The following UGT2B7 variants were observed in gnomAD, a reference collection of about 807,000 sequenced individuals.
UGT2B7 encodes the protein UDP-glucuronosyltransferase 2B7.
In UGT2B7, 51 loss-of-function variants were observed where a neutral mutation model predicts 51.9. The observed-to-expected ratio is 0.98, with a 90% CI of 0.78 to 1.24. The LOEUF (loss-of-function observed/expected upper bound fraction) is 1.24, where lower values mean the gene tolerates loss of function less well. Ranked by LOEUF, UGT2B7 falls within the 50% of genes most tolerant of loss-of-function variation. The pLI is 0.00. For missense variants in UGT2B7, 727 were observed against 628.4 expected (o/e 1.16, Z -1.68); for synonymous variants, 225 against 211.6 (o/e 1.06, Z -0.55).
chr4:69,065,194 T>C (rs1162761074), intron 1 of UGT2B7, among the ~76,000 whole-genome samples: 2 of 152,148 alleles, frequency 1.3e-5, no homozygotes, highest in African/African-American at 4.8e-5. Context: ...ATTCAGTGTA[T>C]TTTTCAGAGG....
intron 1 of UGT2B7, among the ~76,000 whole-genome samples, chr4:69,080,513 A>C (rs181999532): frequency 6.1e-4 from 90 of 148,550 alleles, no homozygotes; most frequent in Admixed American, 1.1e-3. Context: ...GCAGCACTAC[A>C]CTCTGGCCTG....
chr4:69,102,438 G>GT (rs1719449660), intron 2 of UGT2B7, among the ~76,000 whole-genome samples: 1 of 152,054 alleles, frequency 6.6e-6, no homozygotes, highest in African/African-American at 2.4e-5. Flanking sequence ...AAGCTGAGTG[G>GT]TCCCACTTTC....
chr4:69,057,752 T>C (rs1329939798), intron 1 of UGT2B7, among the ~76,000 whole-genome samples: 1 of 152,120 alleles, frequency 6.6e-6, no homozygotes, highest in Non-Finnish European at 1.5e-5. Context: ...ACCCACCCCA[T>C]TGGAATTCAT....
intron 2 of UGT2B7, among the ~76,000 whole-genome samples, chr4:69,091,265 C>T (rs182257092): frequency 1.0e-3 from 155 of 152,268 alleles, no homozygotes; most frequent in African/African-American, 3.1e-3. Flanking sequence ...GCTAATTAGT[C>T]GGGGTCCACA....
chr4:69,105,561 T>C (rs1299911267), intron 3 of UGT2B7, among the ~76,000 whole-genome samples: 1 of 152,222 alleles, frequency 6.6e-6, no homozygotes, highest in Non-Finnish European at 1.5e-5. Context: ...TGTCTCAGTG[T>C]TAATAATCAG....
At chr4:69,106,081 TA>T (rs1719588723) in intron 3 of UGT2B7, among the ~76,000 whole-genome samples, 2 of 152,268 alleles carry the variant, frequency 1.3e-5, no homozygotes, top group African/African-American at 4.8e-5. Context: ...TTTTTAATTT[TA>T]AAAAATTAAA....
At chr4:69,075,486 T>C (rs1200425045) in intron 1 of UGT2B7, among the ~76,000 whole-genome samples, 1 of 152,102 alleles carries the variant, frequency 6.6e-6, no homozygotes, top group Non-Finnish European at 1.5e-5. Context: ...TAAAGGACAA[T>C]TTCAAGGAGA....
At position 69,096,881 on chromosome 4, in the gene UGT2B7, G is replaced by A. The variant is rs1387977501; in HGVS notation, c.361G>A (p.Asp121Asn). The A allele has an allele frequency of 2.5e-6, 4 of 1,613,020 alleles. No homozygotes were observed. Among genetic ancestry groups the A allele is most frequent in the Non-Finnish European group, 3.4e-6 (4 of 1,179,730 alleles). Residue 121 changes from aspartate to asparagine, a missense_variant, in exon 1 of 6, where the codon GAC becomes AAC. Coordinates refer to ENST00000305231, the MANE Select transcript of UGT2B7 (RefSeq NM_001074.4). The part of the protein sequence containing the change: ...QVQEIMSIFG[D>N]ITRKFCKDVV... ...ACAGGAAATCATGTCAATATTTGGT[G>A]ACATAACTAGAAAGTTCTGTAAAGA...
intron 1 of UGT2B7, among the ~76,000 whole-genome samples, chr4:69,059,267 G>A (rs1030523425): frequency 2.0e-5 from 3 of 152,192 alleles, no homozygotes; most frequent in Non-Finnish European, 4.4e-5. Context: ...AACTATTGTG[G>A]GAGCCACTGG....
At chr4:69,066,712 C>G (rs768692085) in intron 1 of UGT2B7, among the ~76,000 whole-genome samples, 5 of 152,018 alleles carry the variant, frequency 3.3e-5, no homozygotes, top group Admixed American at 6.5e-5. Flanking sequence ...TGGCCAGAAA[C>G]AAACTATCTT....
chr4:69,063,368 C>T (rs1718402062), intron 1 of UGT2B7, among the ~76,000 whole-genome samples: 1 of 148,476 alleles, frequency 6.7e-6, no homozygotes, highest in Admixed American at 6.7e-5. Context: ...CTTTATTATA[C>T]CATACATACT....
intron 1 of UGT2B7, among the ~76,000 whole-genome samples, chr4:69,063,327 A>AAAAAAGG (rs1357194967): frequency 6.8e-6 from 1 of 148,076 alleles, no homozygotes; most frequent in African/African-American, 2.5e-5. Context: ...TCAAAAAAAA[A>AAAAAAGG]AAAAAAAAAA....
chr4:69,059,275 T>C (rs1718287010), intron 1 of UGT2B7, among the ~76,000 whole-genome samples: 1 of 152,230 alleles, frequency 6.6e-6, no homozygotes, highest in Non-Finnish European at 1.5e-5. Flanking sequence ...TGGGAGCCAC[T>C]GGAGTCTCTG....
intron 1 of UGT2B7, among the ~76,000 whole-genome samples, chr4:69,081,728 C>T (rs993818522): frequency 7.9e-5 from 12 of 152,082 alleles, no homozygotes; most frequent in African/African-American, 2.9e-4. Context: ...GTCACACCAG[C>T]TTTTTCTGAT....
upstream of UGT2B7, chr4:69,096,358 T>A (rs1719221131): frequency 1.8e-6 from 2 of 1,107,300 alleles, no homozygotes. Flanking sequence ...TTCATTTGTC[T>A]CTTTGCCATC....
chr4:69,108,763 A>C (rs1362504456), intron 5 of UGT2B7, among the ~76,000 whole-genome samples: 1 of 152,066 alleles, frequency 6.6e-6, no homozygotes, highest in Non-Finnish European at 1.5e-5. Flanking sequence ...TTTAATTTTG[A>C]TAGCATAAAA....
In UGT2B7 at chr4:69,107,159, T is replaced by C; in HGVS notation, c.1003-16T>C. Reference sequence around the variant, plus strand: ...AATTCCACTCATGGAATAAAATATTTTCTTTATTGTAACAGGTTCTGTGGA... The same window carrying C: ...AATTCCACTCATGGAATAAAATATTCTCTTTATTGTAACAGGTTCTGTGGA... On this transcript the variant is annotated splice_polypyrimidine_tract_variant and intron_variant, in intron 3 of 5. Transcript: ENST00000305231. 1 of 1,603,434 alleles carries C rather than the reference T, an allele frequency of 6.2e-7. No homozygotes were observed. Among genetic ancestry groups the C allele is most frequent in the Non-Finnish European group, 8.5e-7 (1 of 1,173,736 alleles).
At chr4:69,077,330 G>T (rs979267270) in intron 1 of UGT2B7, among the ~76,000 whole-genome samples, 1 of 151,984 alleles carries the variant, frequency 6.6e-6, no homozygotes, top group Non-Finnish European at 1.5e-5. Context: ...GAAAGTCAAT[G>T]ATAGCTTGAT....
chr4:69,064,278 C>T (rs1718440635), intron 1 of UGT2B7, among the ~76,000 whole-genome samples: 1 of 152,176 alleles, frequency 6.6e-6, no homozygotes, highest in Non-Finnish European at 1.5e-5. Flanking sequence ...AAAATGTGGT[C>T]TGTAGACCCT....
Sources: allele counts gnomAD v4.1 joint callset (sites outside exome capture counted in the v4.1 genomes callset), GRCh38; gene constraint gnomAD v4.1.1; transcripts MANE v1.5; gene names NCBI Gene and HGNC (gene_info 2026-07-23, HGNC 2026-07-21).